The following PCDH15 variants were observed in gnomAD, a reference collection of about 807,000 sequenced individuals.
The protein encoded by PCDH15 is protocadherin related 15.
PCDH15 carries 129 observed loss-of-function variants against 178.5 expected under a neutral mutation model. That is an observed-to-expected ratio of 0.72 (90% confidence interval 0.63 to 0.84). The LOEUF is 0.84. PCDH15 is among the 40% of genes least tolerant of loss of function. The pLI, the probability that PCDH15 is intolerant of heterozygous loss-of-function variation, is 0.00. For missense variants in PCDH15, 2,230 were observed against 2,099.9 expected, an observed-to-expected ratio of 1.06 and a Z score of -1.21; for synonymous variants, 800 against 732.0, an observed-to-expected ratio of 1.09 and a Z score of -1.50.
intron 2 of PCDH15, among the ~76,000 whole-genome samples, chr10:55,496,483 A>G (rs936569158): frequency 1.3e-5 from 2 of 151,908 alleles, no homozygotes; most frequent in Non-Finnish European, 2.9e-5. Context: ...TTTTAAAACT[A>G]AATTTAACAC....
At chr10:53,910,746 C>T (rs943863360) in intron 25 of PCDH15, among the ~76,000 whole-genome samples, 1 of 152,056 alleles carries the variant, frequency 6.6e-6, no homozygotes, top group Non-Finnish European at 1.5e-5. Context: ...GAAGCCATCA[C>T]AAGGAAGCTA....
chr10:54,991,420 G>T (rs919184279), intron 2 of PCDH15, among the ~76,000 whole-genome samples: 1 of 152,074 alleles, frequency 6.6e-6, no homozygotes, highest in Non-Finnish European at 1.5e-5. Flanking sequence ...CATGTATACT[G>T]TATATAACCA....
At chr10:54,090,179 A>G in intron 15 of PCDH15, 116 bp from the exon 16 acceptor site, 1 of 821,330 alleles carries the variant, frequency 1.2e-6, no homozygotes. Flanking sequence ...CTGTTAAAGA[A>G]TAAAGATTAA....
At chr10:54,025,097 T>C (rs1220421143) in intron 18 of PCDH15, among the ~76,000 whole-genome samples, 1 of 152,200 alleles carries the variant, frequency 6.6e-6, no homozygotes, top group Non-Finnish European at 1.5e-5. Context: ...ATATTTATTA[T>C]GGTAGAATGG....
chr10:55,404,087 C>A (rs1198133209), intron 2 of PCDH15, among the ~76,000 whole-genome samples: 2 of 151,892 alleles, frequency 1.3e-5, no homozygotes, highest in Non-Finnish European at 2.9e-5. Context: ...TAAATATAGA[C>A]AAAATATGTT....
intron 1 of PCDH15, among the ~76,000 whole-genome samples, chr10:54,689,692 A>T (rs192455853): frequency 6.6e-6 from 1 of 152,298 alleles, no homozygotes; most frequent in East Asian, 1.9e-4. Context: ...TATTTGCATG[A>T]CTGTGTTATA....
intron 1 of PCDH15, among the ~76,000 whole-genome samples, chr10:55,243,167 T>C (rs1257061723): frequency 6.6e-6 from 1 of 152,200 alleles, no homozygotes; most frequent in African/African-American, 2.4e-5. Flanking sequence ...GTCTATCAGT[T>C]AGCAGCTATG....
chr10:55,249,694 T>C (rs895493427), intron 1 of PCDH15, among the ~76,000 whole-genome samples: 2 of 152,128 alleles, frequency 1.3e-5, no homozygotes, highest in Non-Finnish European at 2.9e-5. Context: ...ATAATGTGTC[T>C]AATATTTCCA....
intron 2 of PCDH15, among the ~76,000 whole-genome samples, chr10:55,046,942 ACT>A (rs1365123326): frequency 6.6e-6 from 1 of 151,656 alleles, no homozygotes; most frequent in Non-Finnish European, 1.5e-5. Context: ...AAAAGAAATG[ACT>A]CTTTTAAAAT....
At chr10:54,235,370 G>GA (rs1591338962) in intron 9 of PCDH15, among the ~76,000 whole-genome samples, 1 of 152,168 alleles carries the variant, frequency 6.6e-6, no homozygotes, top group East Asian at 1.9e-4. Flanking sequence ...TTGAGAAAAA[G>GA]AATGCACATA....
intron 6 of PCDH15, among the ~76,000 whole-genome samples, chr10:54,332,305 T>TATG (rs1164393896): frequency 7.2e-4 from 57 of 79,304 alleles, no homozygotes; most frequent in South Asian, 1.6e-3. Flanking sequence ...TACATATTAT[T>TATG]ATATATAATA....
At chr10:53,964,823 A>G (rs2088820019) in intron 21 of PCDH15, among the ~76,000 whole-genome samples, 1 of 152,148 alleles carries the variant, frequency 6.6e-6, no homozygotes, top group East Asian at 1.9e-4. Flanking sequence ...ATCATATACA[A>G]TGGCAAACCT....
At position 54,104,845 on chromosome 10, in the gene PCDH15, C is replaced by A. The variant is rs113769461; in HGVS notation, c.1918-14782G>T. Among the ~76,000 whole-genome samples the A allele has an allele frequency of 2.4e-3, 116 of 48,560 alleles. 2 individuals carry two copies. The highest frequency in any genetic ancestry group is 4.0e-3 in the East Asian group (8 of 2,010). 31.9% of individuals were successfully genotyped at this position (48,560 alleles called of 152,430 possible). A position where few individuals can be genotyped will look rare whatever the true frequency, so the allele number is the denominator to read the frequency against. The stretch of plus-strand genomic sequence containing the variant: ...GAGTGAGACTCTGCCTCAACAACAA[C>A]AAAAAAAAAAAAAAAAAAAAAAAAG... On this transcript the variant is annotated intron_variant, in intron 15 of 37. Transcript: ENST00000644397.
At chr10:55,129,523 T>C (rs986759821) in intron 2 of PCDH15, among the ~76,000 whole-genome samples, 6 of 152,240 alleles carry the variant, frequency 3.9e-5, no homozygotes, top group South Asian at 2.1e-4. Context: ...GAAATCTACA[T>C]AGTCAATTCT....
In PCDH15 at chr10:55,261,533, A is replaced by G. The variant is rs536132457; in HGVS notation, c.-156+58066T>C. ...GCATGTATTTGTGTATTGCATCTCC[A>G]GAAAGCCACCACTGAAATGTTAACC... is the stretch of plus-strand genomic sequence containing the variant. On this transcript the variant is annotated intron_variant, in intron 1 of 5. Transcript: ENST00000458638. 2.0e-5 allele frequency among the ~76,000 whole-genome samples: 3 copies of G among 152,284 alleles called. No homozygotes were observed. In the South Asian group the frequency reaches 6.2e-4, roughly 32 times the overall value.
chr10:55,476,936 T>A (rs1402813824), intron 2 of PCDH15, among the ~76,000 whole-genome samples: 1 of 151,962 alleles, frequency 6.6e-6, no homozygotes, highest in African/African-American at 2.4e-5. Flanking sequence ...CAGTTTTATT[T>A]CATATTTCTG....
chr10:53,822,445 CAGG>C lies in PCDH15; in HGVS notation c.4368-2218_4368-2216del, dbSNP rs754779351. On this transcript the variant is annotated intron_variant, in intron 32 of 37. Coordinates refer to ENST00000644397, the MANE Select transcript of PCDH15 (RefSeq NM_001384140.1). ...GGAGGAGGAGCAAGAGGAGCAGGAGCAGGAGGAGGAGAAGGAGGAGAAATAGGA... is the reference window on the plus strand; with the variant it reads ...GGAGGAGGAGCAAGAGGAGCAGGAGCAGGAGGAGAAGGAGGAGAAATAGGA... The C allele has an allele frequency of 6.9e-6, 11 of 1,591,264 alleles. No homozygotes were observed. In the East Asian group the frequency reaches 1.9e-4, roughly 27 times the overall value.
intron 2 of PCDH15, among the ~76,000 whole-genome samples, chr10:55,379,446 T>A (rs2131999244): frequency 6.6e-6 from 1 of 152,214 alleles, no homozygotes; most frequent in Non-Finnish European, 1.5e-5. Flanking sequence ...TATATTGGTA[T>A]TTATTTTGTA....
chr10:53,871,561 G>A (rs1177437154), intron 26 of PCDH15, among the ~76,000 whole-genome samples: 2 of 150,200 alleles, frequency 1.3e-5, no homozygotes, highest in Non-Finnish European at 3.0e-5. Context: ...TGATTCAAAA[G>A]GTTTAACATT....
Sources: allele counts gnomAD v4.1 joint callset (sites outside exome capture counted in the v4.1 genomes callset), GRCh38; gene constraint gnomAD v4.1.1; transcripts MANE v1.5; gene names NCBI Gene and HGNC (gene_info 2026-07-23, HGNC 2026-07-21).